The following SDK2 variants were observed in gnomAD, a reference collection of about 807,000 sequenced individuals.
The protein encoded by SDK2 is sidekick cell adhesion molecule 2, also known as protein sidekick-2.
In SDK2, 105 loss-of-function variants were observed where a neutral mutation model predicts 253.9. The observed-to-expected ratio is 0.41, with a 90% confidence interval of 0.35 to 0.49. The LOEUF (loss-of-function observed/expected upper bound fraction) is 0.49. Ranked by LOEUF, SDK2 falls within the 20% of genes least tolerant of loss-of-function variation. The pLI is 0.06. For synonymous variants in SDK2, 1,249 were observed against 1,234.9 expected (o/e 1.01, Z -0.24); for missense variants, 2,608 against 3,003.0 (o/e 0.87, Z 3.07).
intron 27 of SDK2, among the ~76,000 whole-genome samples, chr17:73,391,956 CCTCT>C (rs3071284): frequency 0.63 from 95,931 of 151,446 alleles, 31,921 homozygotes; most frequent in East Asian, 0.94. Flanking sequence ...CTGCACCACT[CCTCT>C]CTCTCTCTAG....
intron 3 of SDK2, among the ~76,000 whole-genome samples, chr17:73,457,049 G>A (rs1030006866): frequency 6.6e-6 from 1 of 152,186 alleles, no homozygotes; most frequent in African/African-American, 2.4e-5. Context: ...CGCTTGGCAA[G>A]TGTGTCCATG....
intron 5 of SDK2, 30 bp from the exon 6 acceptor site, chr17:73,440,953 C>A (rs372623308): frequency 2.2e-5 from 32 of 1,480,770 alleles, no homozygotes; most frequent in Non-Finnish European, 2.9e-5. Context: ...TAGCTGGGGG[C>A]GAGGCTGGAA....
chr17:73,554,717 ATCC>A (rs1354470130), intron 1 of SDK2, among the ~76,000 whole-genome samples: 2 of 152,212 alleles, frequency 1.3e-5, no homozygotes, highest in East Asian at 3.9e-4. Context: ...CCTGGAATGC[ATCC>A]TCCTCTATCT....
chr17:73,498,157 C>T (rs1396740198), intron 2 of SDK2, among the ~76,000 whole-genome samples: 5 of 152,238 alleles, frequency 3.3e-5, no homozygotes, highest in Admixed American at 2.6e-4. Context: ...CACCAGCAGC[C>T]GGTATCTGGT....
Position 73,612,361 on chromosome 17 carries a change from G to A in SDK2, c.64+31664C>T, listed in dbSNP as rs2045986363. On this transcript the variant is annotated intron_variant, in intron 1 of 44. Transcript: ENST00000392650. This position sits in a 1 kb window ranked among gnomAD's most constrained non-coding sequence, Gnocchi z 4.4. Reference sequence around the variant, plus strand: ...CCCAGCTGCACCTGGGCTGCAGGCTGGCCCCGCACAGTCCCCACCCTCACC... The same window carrying A: ...CCCAGCTGCACCTGGGCTGCAGGCTAGCCCCGCACAGTCCCCACCCTCACC... 6.6e-6 allele frequency among the ~76,000 whole-genome samples: 1 copy of A among 151,732 alleles called. No individual in the cohort carries two copies. Among genetic ancestry groups the A allele is most frequent in the Admixed American group, 6.6e-5 (1 of 15,242 alleles).
chr17:73,591,364 A>G (rs2045679233), intron 1 of SDK2, among the ~76,000 whole-genome samples: 1 of 151,880 alleles, frequency 6.6e-6, no homozygotes, highest in Non-Finnish European at 1.5e-5. Flanking sequence ...TGCCTTCCCT[A>G]TTGAGGTTAA....
intron 5 of SDK2, among the ~76,000 whole-genome samples, chr17:73,445,786 G>T: frequency 6.6e-6 from 1 of 152,312 alleles, no homozygotes; most frequent in South Asian, 2.1e-4. Flanking sequence ...CTTGTGGAAA[G>T]AGAAATTAGC....
chr17:73,473,104 G>C (rs1399013954), intron 2 of SDK2, among the ~76,000 whole-genome samples: 1 of 152,212 alleles, frequency 6.6e-6, no homozygotes, highest in Non-Finnish European at 1.5e-5. Flanking sequence ...AGAGCCTTCT[G>C]AATAAGACAA....
chr17:73,401,224 G>C lies in SDK2; in HGVS notation c.2780-13C>G. On this transcript the variant is annotated splice_polypyrimidine_tract_variant and intron_variant, in intron 20 of 44. Transcript: ENST00000392650. ...GAGATCCGGTACCCTGGGGAGAGCC[G>C]CCGTGTTGGCATGAGCTTGGCTGTG... 1 of 1,536,732 alleles carries C rather than the reference G, an allele frequency of 6.5e-7. No individual in the cohort carries two copies. The highest frequency in any genetic ancestry group is 1.2e-5 in the South Asian group (1 of 82,082).
chr17:73,429,589 C>T (rs1390217703), intron 12 of SDK2, among the ~76,000 whole-genome samples: 9 of 152,218 alleles, frequency 5.9e-5, no homozygotes, highest in African/African-American at 1.2e-4. Flanking sequence ...CAGCTGCCTT[C>T]GGCATGAGGA....
chr17:73,476,039 G>A (rs2063683820), intron 2 of SDK2, among the ~76,000 whole-genome samples: 1 of 152,172 alleles, frequency 6.6e-6, no homozygotes, highest in African/African-American at 2.4e-5. Flanking sequence ...TTGAACCCAG[G>A]AGGTGGAGGT....
intron 2 of SDK2, among the ~76,000 whole-genome samples, chr17:73,483,661 G>GTATATATATATATATATATTTATA (rs2063747332): frequency 1.4e-5 from 1 of 70,192 alleles, no homozygotes; most frequent in South Asian, 4.6e-4. Flanking sequence ...GTGTGTGTGT[G>GTATATATATATATATATATTTATA]TATATATATA....
chr17:73,448,757 T>C (rs776366761), intron 4 of SDK2, among the ~76,000 whole-genome samples: 5 of 151,544 alleles, frequency 3.3e-5, no homozygotes, highest in Admixed American at 6.6e-5. Context: ...GCCTTCCCGG[T>C]TCAAGTGATT....
chr17:73,336,753 G>C lies in SDK2; in HGVS notation c.*1834C>G, dbSNP rs1006038802. ...CCACCCCAACAGAGCATCATCTCTT[G>C]GGCAGGGCCAGCAGCGCCTGTACAC... On this transcript the variant is annotated 3_prime_UTR_variant, in exon 45 of 45. Coordinates refer to ENST00000392650, the MANE Select transcript of SDK2 (RefSeq NM_001144952.2). 1 of 152,728 alleles carries C rather than the reference G, an allele frequency of 6.5e-6. No individual in the cohort carries two copies. The highest frequency in any genetic ancestry group is 1.5e-5 in the Non-Finnish European group (1 of 68,140). The allele number at this position is 152,728 out of a possible 1,614,324, so 9.5% of individuals were successfully genotyped here.
intron 40 of SDK2, chr17:73,357,499 T>A (rs1214130551): frequency 1.0e-5 from 2 of 194,580 alleles, no homozygotes. Flanking sequence ...TGGCAGTGGC[T>A]GCAAGCTCCT....
chr17:73,568,351 A>G (rs996760982), intron 1 of SDK2, among the ~76,000 whole-genome samples: 1 of 152,160 alleles, frequency 6.6e-6, no homozygotes, highest in Non-Finnish European at 1.5e-5. Context: ...TGCTAGTGCC[A>G]TGCTTCCTGT....
chr17:73,571,098 T>G (rs1251542253), intron 1 of SDK2, among the ~76,000 whole-genome samples: 2 of 151,086 alleles, frequency 1.3e-5, no homozygotes, highest in Admixed American at 6.6e-5. Flanking sequence ...GGAGTCTTGA[T>G]CTGTCACTGA....
chr17:73,349,845 T>C (rs780513016), intron 43 of SDK2, among the ~76,000 whole-genome samples: 16 of 152,234 alleles, frequency 1.1e-4, no homozygotes, highest in Non-Finnish European at 1.9e-4. Flanking sequence ...TGGCTGGGCC[T>C]GTCTTGCCTT....
At chr17:73,509,376 G>A (rs924762949) in intron 1 of SDK2, among the ~76,000 whole-genome samples, 1 of 152,150 alleles carries the variant, frequency 6.6e-6, no homozygotes, top group Non-Finnish European at 1.5e-5. Flanking sequence ...CTCCAGGGAA[G>A]GGGCTCCACC....
Sources: gnomAD v4.1 joint callset for allele counts (sites outside exome capture counted in the v4.1 genomes callset) on GRCh38, gnomAD v4.1.1 for gene constraint, Gnocchi (gnomAD v3.1) non-coding constraint, MANE v1.5 for transcripts, NCBI Gene and HGNC (gene_info 2026-07-23, HGNC 2026-07-21) for gene names.